The following PPP1R12B variants were observed in gnomAD, a reference collection of about 807,000 sequenced individuals.
PPP1R12B encodes the protein protein phosphatase 1 regulatory subunit 12B.
In PPP1R12B, 76 loss-of-function variants were observed where a neutral mutation model predicts 126.1. The observed-to-expected ratio is 0.60, with a 90% confidence interval of 0.50 to 0.73. The LOEUF (loss-of-function observed/expected upper bound fraction) is 0.73, where lower values mean the gene tolerates loss of function less well. Among genes scored for constraint, PPP1R12B ranks in the 30% least tolerant of loss-of-function variants. The pLI is 0.00. For synonymous variants in PPP1R12B, 356 were observed against 434.7 expected, an observed-to-expected ratio of 0.82 and a Z score of 2.25; for missense variants, 1,052 against 1,205.1, an observed-to-expected ratio of 0.87 and a Z score of 1.88.
intron 13 of PPP1R12B, among the ~76,000 whole-genome samples, chr1:202,484,633 T>A (rs1193794733): frequency 2.6e-5 from 4 of 152,232 alleles, no homozygotes; most frequent in African/African-American, 9.6e-5. Context: ...TTATTTCCAG[T>A]TATACCATTC....
intron 1 of PPP1R12B, among the ~76,000 whole-genome samples, chr1:202,374,399 C>T (rs1660796503): frequency 2.0e-5 from 3 of 151,710 alleles, no homozygotes; most frequent in South Asian, 4.2e-4. Flanking sequence ...ATGGACCTCT[C>T]ATGCTGGTCC....
intron 1 of PPP1R12B, among the ~76,000 whole-genome samples, chr1:202,382,520 T>C (rs1236353996): frequency 1.3e-5 from 2 of 149,430 alleles, no homozygotes; most frequent in African/African-American, 4.9e-5. Context: ...ATCTCCAACT[T>C]GGAAAGTTTG....
At chr1:202,555,351 A>G (rs1228902942) in intron 18 of PPP1R12B, among the ~76,000 whole-genome samples, 4 of 144,594 alleles carry the variant, frequency 2.8e-5, no homozygotes, top group African/African-American at 1.0e-4. Context: ...AAAAAAAAAA[A>G]AAGCTTGTTT....
chr1:202,411,329 C>G (rs1371645393), intron 1 of PPP1R12B, among the ~76,000 whole-genome samples: 1 of 151,322 alleles, frequency 6.6e-6, no homozygotes, highest in South Asian at 2.1e-4. Context: ...TGAGAGTGTC[C>G]TACAACTCTG....
At chr1:202,377,838 T>TG (rs1265863062) in intron 1 of PPP1R12B, among the ~76,000 whole-genome samples, 2 of 45,876 alleles carry the variant, frequency 4.4e-5, no homozygotes, top group Admixed American at 4.1e-4. Flanking sequence ...AGGTGTTTTT[T>TG]TTTTTTTTTT....
chr1:202,550,944 CA>C (rs1159061959), intron 18 of PPP1R12B, among the ~76,000 whole-genome samples: 2 of 152,130 alleles, frequency 1.3e-5, no homozygotes, highest in Non-Finnish European at 2.9e-5. Context: ...AGAAATTCTT[CA>C]GAAGCTGGGA....
Position 202,438,391 on chromosome 1 carries a change from G to C in PPP1R12B, c.1458+367G>C. On this transcript the variant is annotated intron_variant, in intron 10 of 23. Coordinates refer to ENST00000608999, the MANE Select transcript of PPP1R12B (RefSeq NM_002481.4). ...CAGAGGGCCAATTCCCGTCCCCCCA[G>C]CGGCATGGCTTCGTGTGCTGAACCC... 6.1e-6 allele frequency: 4 copies of C among 653,096 alleles called. No individual in the cohort carries two copies. The South Asian group carries it at 6.3e-5, about 10-fold the overall frequency. 40.5% of individuals were successfully genotyped at this position (653,096 alleles called of 1,614,324 possible). A position where few individuals can be genotyped will look rare whatever the true frequency, so the allele number is the denominator to read the frequency against.
At chr1:202,470,402 C>T (rs1282150246) in intron 13 of PPP1R12B, among the ~76,000 whole-genome samples, 1 of 152,000 alleles carries the variant, frequency 6.6e-6, no homozygotes, top group African/African-American at 2.4e-5. Flanking sequence ...TGGAACAGTC[C>T]TTTAAATATG....
chr1:202,491,173 G>A (rs537416404), intron 14 of PPP1R12B, among the ~76,000 whole-genome samples: 2 of 152,092 alleles, frequency 1.3e-5, no homozygotes, highest in Non-Finnish European at 2.9e-5. Flanking sequence ...CACGCAGGCC[G>A]GGGTGCAATG....
chr1:202,352,537 C>A (rs575947676), intron 1 of PPP1R12B, among the ~76,000 whole-genome samples: 3 of 152,198 alleles, frequency 2.0e-5, no homozygotes, highest in South Asian at 4.1e-4. Context: ...ACGGTCTGAT[C>A]AGTCTTCATC....
chr1:202,579,456 G>A (rs565031904), intron 23 of PPP1R12B, among the ~76,000 whole-genome samples: 1 of 152,292 alleles, frequency 6.6e-6, no homozygotes, highest in East Asian at 1.9e-4. Context: ...GTACTTACCT[G>A]CTATCCTAAA....
chr1:202,381,517 C>T (rs1345487097), intron 1 of PPP1R12B, among the ~76,000 whole-genome samples: 2 of 151,444 alleles, frequency 1.3e-5, no homozygotes. Flanking sequence ...ACTGCTCATC[C>T]TGGCTTTCAA....
In PPP1R12B at chr1:202,565,510, C is replaced by T. The variant is rs1035939732; in HGVS notation, c.2757+963C>T. Among the ~76,000 whole-genome samples, 7 of 152,290 alleles carry T rather than the reference C, an allele frequency of 4.6e-5. No individual in the cohort carries two copies. The highest frequency in any genetic ancestry group is 1.4e-4 in the African/African-American group (6 of 41,556). On this transcript the variant is annotated intron_variant, in intron 21 of 23. Transcript: ENST00000608999. The surrounding 1 kb of genome is among the most constrained non-coding windows in gnomAD (Gnocchi z 4.3). ...GCAGGGGTGTTGATTACCCTCTAAA[C>T]ATCCTATTCTAACCCCTCTGGAATT...
At position 202,592,508 on chromosome 1, in the gene PPP1R12B, T is replaced by C; in HGVS notation, c.*11948T>C. On this transcript the variant is annotated 3_prime_UTR_variant, in exon 24 of 24. Transcript: ENST00000608999. ...TGGGGATCAAGGGGACTCTCAGCAT[T>C]GCCATGCGGCTATTTACAGAAAGTT... 6.6e-6 allele frequency: 1 copy of C among 152,238 alleles called. No homozygotes were observed. The highest frequency in any genetic ancestry group is 1.5e-5 in the Non-Finnish European group (1 of 68,040). The allele number at this position is 152,238 out of a possible 1,614,324, so 9.4% of individuals were successfully genotyped here. A position where few individuals can be genotyped will look rare whatever the true frequency, so the allele number is the denominator to read the frequency against.
intron 15 of PPP1R12B, among the ~76,000 whole-genome samples, chr1:202,494,732 G>T (rs1358755288): frequency 5.3e-5 from 8 of 151,322 alleles, no homozygotes; most frequent in Non-Finnish European, 7.4e-5. Flanking sequence ...GAAAAGAAAA[G>T]AAAACAACAA....
At chr1:202,400,899 A>G (rs946310084) in intron 1 of PPP1R12B, among the ~76,000 whole-genome samples, 1 of 152,274 alleles carries the variant, frequency 6.6e-6, no homozygotes, top group Admixed American at 6.5e-5. Context: ...ATCAGGGGTC[A>G]GCAAACTATA....
chr1:202,379,371 A>G (rs538410874), intron 1 of PPP1R12B, among the ~76,000 whole-genome samples: 1 of 152,350 alleles, frequency 6.6e-6, no homozygotes, highest in East Asian at 1.9e-4. Context: ...CTGATTCATT[A>G]GGTCTATGGT....
At chr1:202,433,105 A>G (rs1313852828) in intron 8 of PPP1R12B, among the ~76,000 whole-genome samples, 2 of 152,240 alleles carry the variant, frequency 1.3e-5, no homozygotes, top group Non-Finnish European at 2.9e-5. Context: ...TTGAACTTCT[A>G]TTATTAATCA....
Position 202,348,984 on chromosome 1 carries a change from C to G in PPP1R12B, c.133C>G (p.Pro45Ala). The change falls in exon 1 of 24, where the codon CCG becomes GCG. Residue 45 changes from proline (P) to alanine (A), a missense_variant. Pro to Ala is a conservative substitution (Grantham distance 27). Transcript: ENST00000608999. ...GGAGCGACGAGGCGCGGGGCGGCAGCCGCTGACCAGGCGCGGGAGCCCCAG... is the reference window on the plus strand; with the variant it reads ...GGAGCGACGAGGCGCGGGGCGGCAGGCGCTGACCAGGCGCGGGAGCCCCAG... ...PAERRGAGRQ[P>A]LTRRGSPRVR... 1 of 1,604,694 alleles carries G rather than the reference C, an allele frequency of 6.2e-7. No individual in the cohort carries two copies. The highest frequency in any genetic ancestry group is 8.5e-7 in the Non-Finnish European group (1 of 1,176,362).
Sources: allele counts gnomAD v4.1 joint callset (sites outside exome capture counted in the v4.1 genomes callset), GRCh38; gene constraint gnomAD v4.1.1; non-coding constraint Gnocchi (gnomAD v3.1); transcripts MANE v1.5; gene names NCBI Gene and HGNC (gene_info 2026-07-23, HGNC 2026-07-21).